The following CTNNA3 variants were observed in gnomAD, a reference collection of about 807,000 sequenced individuals.
CTNNA3 encodes catenin alpha-3.
A neutral mutation model predicts 95.7 loss-of-function variants in CTNNA3; 76 were observed. That is an observed-to-expected ratio of 0.79 (90% CI 0.66 to 0.96). CTNNA3 has a LOEUF of 0.96. Ranked by LOEUF, CTNNA3 falls within the 40% of genes least tolerant of loss-of-function variation. The pLI, the probability that CTNNA3 is intolerant of heterozygous loss-of-function variation, is 0.00. For missense variants in CTNNA3, 1,191 were observed against 1,089.8 expected (o/e 1.09, Z -1.31); for synonymous variants, 431 against 374.4 (o/e 1.15, Z -1.74).
chr10:66,292,442 G>A (rs545744439), intron 12 of CTNNA3, among the ~76,000 whole-genome samples: 1 of 152,194 alleles, frequency 6.6e-6, no homozygotes, highest in South Asian at 2.1e-4. Context: ...GGTCAAAGGA[G>A]TTATCATTAA....
intron 15 of CTNNA3, among the ~76,000 whole-genome samples, chr10:66,048,803 A>T (rs1477338046): frequency 1.3e-5 from 2 of 152,110 alleles, no homozygotes; most frequent in African/African-American, 4.8e-5. Context: ...TGGATTAAAG[A>T]CTTAAATGTA....
chr10:66,543,777 T>A (rs935539597), intron 10 of CTNNA3, among the ~76,000 whole-genome samples: 8 of 151,598 alleles, frequency 5.3e-5, no homozygotes, highest in Admixed American at 1.3e-4. Flanking sequence ...TGTAACAACA[T>A]CCAATTCACC....
At chr10:67,731,412 C>T (rs1244486893) in intron 1 of CTNNA3, among the ~76,000 whole-genome samples, 2 of 151,886 alleles carry the variant, frequency 1.3e-5, no homozygotes, top group Non-Finnish European at 2.9e-5. Context: ...ACCTGGGAAG[C>T]GGAGGTTGCA....
intron 13 of CTNNA3, among the ~76,000 whole-genome samples, chr10:66,189,750 A>T (rs1244840271): frequency 6.6e-6 from 1 of 151,560 alleles, no homozygotes; most frequent in Non-Finnish European, 1.5e-5. Context: ...GTATTTTTAT[A>T]TTTAGGTATA....
chr10:65,939,598 A>C (rs2077397195), intron 17 of CTNNA3, among the ~76,000 whole-genome samples: 1 of 152,252 alleles, frequency 6.6e-6, no homozygotes, highest in East Asian at 1.9e-4. Context: ...CTTTCTATAA[A>C]CTAAGTACAT....
At chr10:67,060,191 G>A (rs569517021) in intron 7 of CTNNA3, among the ~76,000 whole-genome samples, 6 of 152,180 alleles carry the variant, frequency 3.9e-5, no homozygotes, top group East Asian at 3.9e-4. Flanking sequence ...GATGACATGC[G>A]CCTGTAGTCT....
intron 3 of CTNNA3, among the ~76,000 whole-genome samples, chr10:67,559,572 AAGCAC>A (rs1356076167): frequency 1.3e-5 from 2 of 152,194 alleles, no homozygotes; most frequent in African/African-American, 4.8e-5. Flanking sequence ...AAACTCTAAA[AAGCAC>A]AGTGCCTCTC....
chr10:66,736,106 T>G (rs1460557955), intron 9 of CTNNA3, among the ~76,000 whole-genome samples: 2 of 152,132 alleles, frequency 1.3e-5, no homozygotes, highest in Non-Finnish European at 1.5e-5. Context: ...CCTCTCTTAT[T>G]CAACGTGCTG....
At chr10:66,249,810 C>T (rs931667877) in intron 13 of CTNNA3, among the ~76,000 whole-genome samples, 10 of 152,010 alleles carry the variant, frequency 6.6e-5, no homozygotes, top group Middle Eastern at 3.2e-3. Flanking sequence ...GGGGACAGAG[C>T]GAGACTCCAT....
intron 17 of CTNNA3, among the ~76,000 whole-genome samples, chr10:65,944,886 A>ATCTATCTT (rs1554818861): frequency 2.0e-4 from 27 of 138,294 alleles, no homozygotes; most frequent in African/African-American, 6.6e-4. Flanking sequence ...CTATCTATCT[A>ATCTATCTT]TCTATCTATC....
At chr10:67,329,863 A>T (rs1434439465) in intron 5 of CTNNA3, among the ~76,000 whole-genome samples, 1 of 152,176 alleles carries the variant, frequency 6.6e-6, no homozygotes, top group Non-Finnish European at 1.5e-5. Context: ...TCCTGAGCTG[A>T]TGTAGTGGTT....
chr10:67,524,877 T>C (rs1010639171), intron 4 of CTNNA3, among the ~76,000 whole-genome samples: 1 of 152,146 alleles, frequency 6.6e-6, no homozygotes, highest in African/African-American at 2.4e-5. Context: ...TTTTAAAGAG[T>C]ATTCACTTGG....
intron 7 of CTNNA3, among the ~76,000 whole-genome samples, chr10:67,147,784 C>T (rs576195827): frequency 6.6e-6 from 1 of 151,826 alleles, no homozygotes; most frequent in South Asian, 2.1e-4. Flanking sequence ...CTCAAAATTA[C>T]AAAAATGTGA....
chr10:67,185,964 T>G (rs1367739911), intron 6 of CTNNA3, among the ~76,000 whole-genome samples: 1 of 142,632 alleles, frequency 7.0e-6, no homozygotes, highest in Non-Finnish European at 1.5e-5. Context: ...AGGCAGAAGT[T>G]GCAGTGAGCC....
At chr10:66,378,922 G>A (rs140502934) in intron 12 of CTNNA3, among the ~76,000 whole-genome samples, 42 of 152,264 alleles carry the variant, frequency 2.8e-4, no homozygotes, top group Admixed American at 2.6e-3. Flanking sequence ...TAAGGCCTGT[G>A]GGTAATTTAT....
chr10:66,543,665 G>GA (rs941349213), intron 10 of CTNNA3, among the ~76,000 whole-genome samples: 7 of 151,132 alleles, frequency 4.6e-5, no homozygotes, highest in African/African-American at 1.5e-4. Flanking sequence ...AAAGATAGTA[G>GA]AAAAAATGAA....
chr10:67,371,083 G>C (rs1167934091), intron 5 of CTNNA3, among the ~76,000 whole-genome samples: 2 of 151,352 alleles, frequency 1.3e-5, no homozygotes, highest in African/African-American at 2.4e-5. Flanking sequence ...AGCCTGGATG[G>C]TCTCGATCTC....
intron 9 of CTNNA3, among the ~76,000 whole-genome samples, chr10:66,720,509 T>G (rs1848593578): frequency 1.3e-5 from 2 of 152,072 alleles, no homozygotes; most frequent in Admixed American, 6.6e-5. Context: ...CTAATGTGAC[T>G]GAGGAAAACA....
At chr10:66,663,339 C>T (rs148216177) in intron 9 of CTNNA3, among the ~76,000 whole-genome samples, 2 of 152,054 alleles carry the variant, frequency 1.3e-5, no homozygotes, top group African/African-American at 4.8e-5. Context: ...CTTTCACATA[C>T]CTCAGAATTT....
Sources: gnomAD v4.1 joint callset for allele counts (sites outside exome capture counted in the v4.1 genomes callset) on GRCh38, gnomAD v4.1.1 for gene constraint, MANE v1.5 for transcripts, NCBI Gene and HGNC (gene_info 2026-07-23, HGNC 2026-07-21) for gene names.